EED: variants seen among roughly 807,000 people sequenced by gnomAD.
EED encodes the protein polycomb protein EED.
Under a neutral mutation model 61.0 loss-of-function variants are expected in EED, and 9 were observed. The ratio of observed to expected loss-of-function variants is 0.15; its 90% CI spans 0.09 to 0.26. EED has a LOEUF of 0.26. Among genes scored for constraint, EED ranks in the 10% least tolerant of loss-of-function variants. EED has a pLI of 1.00. For missense variants in EED, 315 were observed against 542.3 expected (o/e 0.58, Z 4.16); for synonymous variants, 187 against 174.4 (o/e 1.07, Z -0.57).
At position 86,250,432 on chromosome 11, in the gene EED, G is replaced by T; in HGVS notation, c.251G>T (p.Cys84Phe). The T allele has an allele frequency of 1.2e-6, 2 of 1,602,994 alleles. No homozygotes were observed. Among genetic ancestry groups the T allele is most frequent in the Non-Finnish European group, 1.7e-6 (2 of 1,175,252 alleles). ...KSKKCKYSFK[C>F]VNSLKEDHNQ... The stretch of plus-strand genomic sequence containing the variant: ...AAGAAATGCAAATATTCTTTCAAAT[G>T]TGTAAATAGTCTCAAGGTATGTGCA... Residue 84 changes from cysteine (C) to phenylalanine (F), a missense_variant, in exon 2 of 12, where the codon TGT becomes TTT. By Grantham distance (205) the Cys-to-Phe change is radical. This residue lies in a region of EED where 205 missense variants were observed against 455.4 expected (regional missense o/e 0.45). Coordinates refer to ENST00000263360, the MANE Select transcript of EED (RefSeq NM_003797.5).
At chr11:86,268,397 G>T (rs1033470349) in intron 8 of EED, 59 bp from the exon 9 acceptor site, 2 of 1,118,744 alleles carry the variant, frequency 1.8e-6, no homozygotes, top group South Asian at 1.6e-5. Context: ...AAATGAAAAA[G>T]AGTATGATTC....
At chr11:86,259,123 C>T (rs2138171243) in intron 6 of EED, among the ~76,000 whole-genome samples, 1 of 151,854 alleles carries the variant, frequency 6.6e-6, no homozygotes, top group East Asian at 1.9e-4. Flanking sequence ...CCGCATCGGC[C>T]TCCCAAAGTG....
At chr11:86,287,030 CAT>C in the EED span, among the ~76,000 whole-genome samples, 10 of 147,392 alleles carry the variant, frequency 6.8e-5, no homozygotes, top group East Asian at 1.8e-3. Flanking sequence ...ATCATACACA[CAT>C]ATAGAAAGTC....
chr11:86,266,183 A>C lies in EED; in HGVS notation c.827A>C (p.Glu276Ala), dbSNP rs1945972042. 6.2e-7 allele frequency: 1 copy of C among 1,603,216 alleles called. No homozygotes were observed. The highest frequency in any genetic ancestry group is 8.5e-7 in the Non-Finnish European group (1 of 1,172,586). Residue 276 changes from glutamate (E) to alanine (A), a missense_variant, in exon 8 of 12, where the codon GAA becomes GCA. Physicochemically the swap from Glu to Ala is moderately radical, Grantham distance 107 (BLOSUM62 -1). This residue lies in a region of EED where 205 missense variants were observed against 455.4 expected (regional missense o/e 0.45). Transcript: ENST00000263360. ...NSKRMMNAIK[E>A]SYDYNPNKTN... Reference sequence around the variant, plus strand: ...AAGAGAATGATGAATGCAATTAAGGAATCTTATGATTATAATCCAAATAAA... The same window carrying C: ...AAGAGAATGATGAATGCAATTAAGGCATCTTATGATTATAATCCAAATAAA...
Position 86,245,178 on chromosome 11 carries a change from G to T in EED, c.-52G>T. ...CGGGCCGGGCTTGCTTGACGGCGGT[G>T]TGGCGGAGGCCCCGCCCCAGGCGGC... On this transcript the variant is annotated 5_prime_UTR_variant, in exon 1 of 12. Transcript: ENST00000263360. 6.6e-7 allele frequency: 1 copy of T among 1,507,118 alleles called. No individual in the cohort carries two copies. The highest frequency in any genetic ancestry group is 9.1e-7 in the Non-Finnish European group (1 of 1,094,096). The allele number at this position is 1,507,118 out of a possible 1,614,324, so 93.4% of individuals were successfully genotyped here.
chr11:86,269,969 G>A, intron 9 of EED: 1 of 578,886 alleles, frequency 1.7e-6, no homozygotes, highest in African/African-American at 1.9e-5. Flanking sequence ...GTTGTGTCCA[G>A]GTTTTTGTGT....
intron 10 of EED, chr11:86,277,401 C>G: frequency 3.6e-6 from 1 of 281,020 alleles, no homozygotes; most frequent in African/African-American, 2.2e-5. Context: ...TGTTTATGTT[C>G]CATAACATAA....
At chr11:86,274,106 T>TC (rs1386369853) in intron 9 of EED, among the ~76,000 whole-genome samples, 2 of 151,900 alleles carry the variant, frequency 1.3e-5, no homozygotes, top group Non-Finnish European at 2.9e-5. Flanking sequence ...TTTTTCTTTT[T>TC]TTTTTTTTGT....
At chr11:86,255,153 G>A (rs1827869200) in intron 3 of EED, 69 bp from the exon 4 acceptor site, 2 of 1,232,792 alleles carry the variant, frequency 1.6e-6, no homozygotes, top group South Asian at 2.6e-5. Flanking sequence ...ATTAAAATAT[G>A]TTTAAAAGTT....
intron 1 of EED, 131 bp downstream of exon 1, chr11:86,245,474 C>A (rs879492506): frequency 1.3e-6 from 1 of 767,132 alleles, no homozygotes. Flanking sequence ...CGCGGGCGTG[C>A]GGGAGAAAAT....
intron 3 of EED, 45 bp downstream of exon 3, chr11:86,252,285 T>C: frequency 7.4e-7 from 1 of 1,353,498 alleles, no homozygotes. Flanking sequence ...GATTTCCAGA[T>C]CTGGTGTTAA....
chr11:86,283,433 G>A (rs563770139), downstream of EED, among the ~76,000 whole-genome samples: 25 of 152,106 alleles, frequency 1.6e-4, no homozygotes, highest in African/African-American at 5.8e-4. Context: ...ACTATACTGC[G>A]TAATTTGCTT....
chr11:86,268,629 G>GTGTGTA, intron 9 of EED, 68 bp downstream of exon 9: 7 of 1,031,992 alleles, frequency 6.8e-6, no homozygotes, highest in Non-Finnish European at 6.9e-6. Flanking sequence ...GTGTGTGTAT[G>GTGTGTA]TGTGTGCGCA....
downstream of EED, among the ~76,000 whole-genome samples, chr11:86,280,665 T>C (rs1020662024): frequency 1.4e-4 from 22 of 152,242 alleles, 1 homozygote; most frequent in African/African-American, 4.6e-4. Context: ...TGTATATTTA[T>C]AGGGTACAAT....
intron 6 of EED, among the ~76,000 whole-genome samples, chr11:86,262,307 A>C (rs1033510068): frequency 6.6e-6 from 1 of 152,198 alleles, no homozygotes; most frequent in African/African-American, 2.4e-5. Flanking sequence ...AGAAGAAGCC[A>C]TGCATCACTG....
chr11:86,265,371 G>T (rs549260798), intron 7 of EED: 1 of 152,142 alleles, frequency 6.6e-6, no homozygotes, highest in Non-Finnish European at 1.5e-5. Context: ...TAGCTCTTCT[G>T]TGTAATACAG....
rs1263896263 is a variant in EED, at chr11:86,277,982, A to G, written c.1190A>G (p.His397Arg). 5 of 1,540,938 alleles carry G rather than the reference A, an allele frequency of 3.2e-6. No homozygotes were observed. Among genetic ancestry groups the G allele is most frequent in the Non-Finnish European group, 4.3e-6 (5 of 1,153,084 alleles). The part of the protein sequence containing the change: ...YVWDLEVEDP[H>R]KAKCTTLTHH... ...TGGGATTTAGAAGTAGAAGATCCTC[A>G]TAAAGCCAAGTAAGTATTTAGAAAT... The change falls in exon 11 of 12, where the codon CAT becomes CGT. Residue 397 changes from histidine to arginine, a missense_variant. This residue lies in a region of EED where 205 missense variants were observed against 455.4 expected (regional missense o/e 0.45). Transcript: ENST00000263360.
chr11:86,261,216 C>T (rs554455278), intron 6 of EED, among the ~76,000 whole-genome samples: 1 of 152,292 alleles, frequency 6.6e-6, no homozygotes, highest in African/African-American at 2.4e-5. Flanking sequence ...GTAGGATAAG[C>T]ATAGGATAGA....
chr11:86,268,594 CGTGTGTGTGTGTGTGTGTGT>C lies in EED; in HGVS notation c.966+46_966+65del. On this transcript the variant is annotated intron_variant, in intron 9 of 11. Transcript: ENST00000263360. ...AACTGCAGTTAAGCTGTACTTCCAT[CGTGTGTGTGTGTGTGTGTGT>C]GTGTGTGTGTGTATGTGTGTGCGCA... 5 of 819,598 alleles carry C rather than the reference CGTGTGTGTGTGTGTGTGTGT, an allele frequency of 6.1e-6. No individual in the cohort carries two copies. In the South Asian group the frequency reaches 9.4e-5, roughly 15 times the overall value. The allele number at this position is 819,598 out of a possible 1,614,324, so 50.8% of individuals were successfully genotyped here.
Sources: allele counts gnomAD v4.1 joint callset (sites outside exome capture counted in the v4.1 genomes callset), GRCh38; gene constraint gnomAD v4.1.1; regional missense constraint gnomAD v4.1.1; transcripts MANE v1.5; gene names NCBI Gene and HGNC (gene_info 2026-07-23, HGNC 2026-07-21).